Variants in IRAK1BP1 observed in about 807,000 individuals in gnomAD.
IRAK1BP1 encodes interleukin-1 receptor-associated kinase 1-binding protein 1.
A neutral mutation model predicts 28.0 loss-of-function variants in IRAK1BP1; 24 were observed. That is an observed-to-expected ratio of 0.86 (90% confidence interval 0.62 to 1.20). IRAK1BP1 has a LOEUF of 1.20. Ranked by LOEUF, IRAK1BP1 falls within the 50% of genes most tolerant of loss-of-function variation. The pLI, the probability that IRAK1BP1 is intolerant of heterozygous loss-of-function variation, is 0.00. For synonymous variants in IRAK1BP1, 131 were observed against 116.3 expected (o/e 1.13, Z -0.81); for missense variants, 336 against 316.7 (o/e 1.06, Z -0.46).
chr6:78,948,604 CCCA>C (rs1170967062), downstream of IRAK1BP1, among the ~76,000 whole-genome samples: 2 of 152,136 alleles, frequency 1.3e-5, no homozygotes, highest in African/African-American at 4.8e-5. Flanking sequence ...AAGCAACCTT[CCCA>C]CCTCAGCCTC....
intron 4 of IRAK1BP1, among the ~76,000 whole-genome samples, chr6:78,915,544 G>A (rs895036627): frequency 2.0e-5 from 3 of 152,176 alleles, no homozygotes; most frequent in African/African-American, 4.8e-5. Flanking sequence ...AGCCAATAAT[G>A]AGTACACAGG....
At chr6:78,946,862 T>C, downstream of IRAK1BP1, 1 of 1,563,434 alleles carries the variant, frequency 6.4e-7, no homozygotes, top group Non-Finnish European at 8.6e-7. Context: ...AGGCGCAAAC[T>C]CATGCTGTAA....
intron 1 of IRAK1BP1, chr6:78,871,621 G>A (rs530936445): frequency 1.4e-5 from 11 of 794,292 alleles, no homozygotes; most frequent in East Asian, 1.3e-4. Flanking sequence ...GATGGTATTC[G>A]GAGGAGGCTT....
exon 5 of IRAK1BP1, chr6:78,945,548 T>A (rs1253453104): frequency 5.2e-6 from 6 of 1,152,372 alleles, no homozygotes; most frequent in Admixed American, 3.9e-5. Context: ...AACCTAAAGA[T>A]AAGAAAAAAG....
At chr6:78,918,525 A>C (rs1404565795) in intron 4 of IRAK1BP1, among the ~76,000 whole-genome samples, 1 of 147,632 alleles carries the variant, frequency 6.8e-6, no homozygotes, top group Non-Finnish European at 1.5e-5. Context: ...AGAAAAAAAA[A>C]GCAGAGGTCA....
chr6:78,965,295 C>A, the IRAK1BP1 span, among the ~76,000 whole-genome samples: 3 of 152,010 alleles, frequency 2.0e-5, no homozygotes, highest in African/African-American at 4.8e-5. Context: ...ATGGAACTTG[C>A]CAAGATCACA....
At chr6:78,890,119 G>A (rs950079985) in intron 2 of IRAK1BP1, among the ~76,000 whole-genome samples, 3 of 151,940 alleles carry the variant, frequency 2.0e-5, no homozygotes, top group South Asian at 2.1e-4. Flanking sequence ...TGTTCTTTGC[G>A]GGGACATGGA....
downstream of IRAK1BP1, among the ~76,000 whole-genome samples, chr6:78,904,869 G>T (rs1017768021): frequency 6.6e-6 from 1 of 151,244 alleles, no homozygotes; most frequent in African/African-American, 2.5e-5. Flanking sequence ...TATTTCACTA[G>T]CTCAATACGT....
intron 1 of IRAK1BP1, chr6:78,871,828 AG>A (rs1309530553): frequency 2.4e-6 from 1 of 408,504 alleles, no homozygotes; most frequent in African/African-American, 2.1e-5. Flanking sequence ...GATTTTAGGT[AG>A]GGAAGATGTC....
chr6:78,964,222 A>AT, the IRAK1BP1 span, among the ~76,000 whole-genome samples: 1 of 152,098 alleles, frequency 6.6e-6, no homozygotes, highest in African/African-American at 2.4e-5. Context: ...TAGCAGTGAG[A>AT]TAAAAAAAAA....
chr6:78,876,010 TATC>T lies in IRAK1BP1; in HGVS notation c.315+8125_315+8127del, dbSNP rs138990111. ...TAATTTTTATGGCTATTGAGATTGT[TATC>T]ATCATGATTTGTGCTTCCCTATTGA... On this transcript the variant is annotated intron_variant, in intron 1 of 3. Transcript: ENST00000369940. Among the ~76,000 whole-genome samples the T allele has an allele frequency of 4.1e-3, 632 of 152,322 alleles. 6 individuals carry two copies. The highest frequency in any genetic ancestry group is 0.041 in the Middle Eastern group (12 of 294).
Position 78,946,153 on chromosome 6 carries a change from T to G in IRAK1BP1, c.*813T>G. On this transcript the variant is annotated 3_prime_UTR_variant and NMD_transcript_variant, in exon 5 of 5. Coordinates refer to the IRAK1BP1 transcript ENST00000606868. The stretch of plus-strand genomic sequence containing the variant: ...ACTAGATTCTGTTTTACCGTTTATC[T>G]GAGCAGCATTGTGTCTTGGCGGTAT... 12 of 1,614,132 alleles carry G rather than the reference T, an allele frequency of 7.4e-6. No individual in the cohort carries two copies. The highest frequency in any genetic ancestry group is 9.3e-6 in the Non-Finnish European group (11 of 1,179,974).
chr6:78,963,391 G>C, the IRAK1BP1 span: 1 of 567,824 alleles, frequency 1.8e-6, no homozygotes, highest in East Asian at 3.5e-5. Flanking sequence ...TTTTAACAAA[G>C]GAAAGTATGT....
intron 4 of IRAK1BP1, among the ~76,000 whole-genome samples, chr6:78,922,994 G>A (rs527904213): frequency 5.3e-5 from 8 of 152,214 alleles, no homozygotes; most frequent in African/African-American, 1.9e-4. Flanking sequence ...GACCATCGAG[G>A]CTAGGAAGAA....
At chr6:78,885,270 C>G (rs1023981963) in intron 1 of IRAK1BP1, 108 bp from the exon 2 acceptor site, 1 of 614,960 alleles carries the variant, frequency 1.6e-6, no homozygotes, top group South Asian at 2.2e-5. Context: ...GTTCTTTTTG[C>G]ATATTTTATG....
intron 4 of IRAK1BP1, among the ~76,000 whole-genome samples, chr6:78,945,082 C>CTT (rs879391783): frequency 2.1e-5 from 3 of 141,792 alleles, no homozygotes; most frequent in Non-Finnish European, 3.1e-5. Flanking sequence ...AGATTTATTT[C>CTT]TTTTTTTTTT....
In IRAK1BP1 at chr6:78,903,065, A is replaced by G; in HGVS notation, c.*4731A>G. 6.5e-7 allele frequency: 1 copy of G among 1,532,624 alleles called. No homozygotes were observed. Among genetic ancestry groups the G allele is most frequent in the Non-Finnish European group, 8.7e-7 (1 of 1,143,782 alleles). 94.9% of individuals were successfully genotyped at this position (1,532,624 alleles called of 1,614,324 possible). On this transcript the variant is annotated 3_prime_UTR_variant, in exon 4 of 4. Coordinates refer to ENST00000369940, the MANE Select transcript of IRAK1BP1 (RefSeq NM_001010844.4). ...ATAGCCATGTCACCTGTGAATTATC[A>G]TGAATCCCACATCAAATGAACAAAT...
chr6:78,878,626 A>C (rs540336978), intron 1 of IRAK1BP1, among the ~76,000 whole-genome samples: 1 of 152,338 alleles, frequency 6.6e-6, no homozygotes, highest in South Asian at 2.1e-4. Context: ...CCAGCAACAG[A>C]ACAAAGCTGG....
chr6:78,911,741 C>G (rs1772427988), intron 4 of IRAK1BP1, among the ~76,000 whole-genome samples: 1 of 152,166 alleles, frequency 6.6e-6, no homozygotes, highest in Non-Finnish European at 1.5e-5. Context: ...GTACCGGGCA[C>G]TGGGTTAAGT....
Sources: gnomAD v4.1 joint callset for allele counts (sites outside exome capture counted in the v4.1 genomes callset) on GRCh38, gnomAD v4.1.1 for gene constraint, MANE v1.5 for transcripts, NCBI Gene and HGNC (gene_info 2026-07-23, HGNC 2026-07-21) for gene names.